Variants in PRCP observed in about 807,000 individuals in gnomAD.
PRCP encodes the protein prolylcarboxypeptidase.
PRCP carries 46 observed loss-of-function variants against 54.2 expected under a neutral mutation model. The observed-to-expected ratio is 0.85, with a 90% confidence interval of 0.67 to 1.09. PRCP has a LOEUF of 1.09. PRCP is among the 50% of genes least tolerant of loss of function. The probability of loss-of-function intolerance (pLI) is 0.00; values close to 1 mark genes in which losing one functional copy is unlikely to be tolerated. For missense variants in PRCP, 613 were observed against 596.8 expected (o/e 1.03, Z -0.28); for synonymous variants, 240 against 212.2 (o/e 1.13, Z -1.14).
chr11:82,850,588 G>T, intron 3 of PRCP, 83 bp from the exon 4 acceptor site: 1 of 1,106,576 alleles, frequency 9.0e-7, no homozygotes, highest in South Asian at 3.0e-5. Flanking sequence ...AAGAGAGCCA[G>T]TGTCAGATAA....
At chr11:82,856,008 T>C (rs567506067) in intron 2 of PRCP, among the ~76,000 whole-genome samples, 39 of 152,022 alleles carry the variant, frequency 2.6e-4, no homozygotes, top group South Asian at 4.2e-4. Flanking sequence ...ACTGGGTATA[T>C]ACCTAAAGAA....
At chr11:82,827,200 C>A (rs886188887) in intron 8 of PRCP, 1 of 152,182 alleles carries the variant, frequency 6.6e-6, no homozygotes, top group Non-Finnish European at 1.5e-5. Flanking sequence ...AATATTTTCT[C>A]CCATCCTGTA....
chr11:82,833,182 A>G (rs1858430694), intron 8 of PRCP, among the ~76,000 whole-genome samples: 1 of 152,252 alleles, frequency 6.6e-6, no homozygotes, highest in Non-Finnish European at 1.5e-5. Context: ...AGAGATGATT[A>G]AGATGAAGTC....
chr11:82,849,100 G>C lies in PRCP; in HGVS notation c.870C>G (p.Asp290Glu). 12 of 1,614,114 alleles carry C rather than the reference G, an allele frequency of 7.4e-6. 1 individual carries two copies. In the South Asian group the frequency reaches 1.3e-4, roughly 18 times the overall value. ...GTAAAAAGTTAGAGGCATAAGGATA[G>C]TCCACCATTGCCAGATTCACCCAGG... ...SETWVNLAMV[D>E]YPYASNFLQP... The change falls in exon 6 of 9, where the codon GAC (aspartate) becomes GAG (glutamate). Residue 290 changes from aspartate to glutamate, a missense_variant. By Grantham distance (45) the Asp-to-Glu change is conservative. Transcript: ENST00000313010.
In PRCP at chr11:82,838,512, G is replaced by C; in HGVS notation, c.1149C>G (p.His383Gln). ...CAGAAAGTTCCTTTAAGTTCCATGAGTGAGGTTCAAACATGTCATCGACAC... is the reference window on the plus strand; with the variant it reads ...CAGAAAGTTCCTTTAAGTTCCATGACTGAGGTTCAAACATGTCATCGACAC... ...TNGVDDMFEP[H>Q]SWNLKELSDD... is the part of the protein sequence containing the mutation. Residue 383 changes from histidine (H) to glutamine (Q), a missense_variant, in exon 8 of 9, where the codon CAC becomes CAG. Coordinates refer to ENST00000313010, the MANE Select transcript of PRCP (RefSeq NM_005040.4). 1 of 1,614,116 alleles carries C rather than the reference G, an allele frequency of 6.2e-7. No individual in the cohort carries two copies. Among genetic ancestry groups the C allele is most frequent in the Non-Finnish European group, 8.5e-7 (1 of 1,179,976 alleles).
At chr11:82,844,633 T>TA (rs1254402509) in intron 6 of PRCP, among the ~76,000 whole-genome samples, 2 of 148,080 alleles carry the variant, frequency 1.4e-5, no homozygotes, top group Non-Finnish European at 3.0e-5. Context: ...CTTGGGAGGC[T>TA]AAGGCAGGAG....
intron 1 of PRCP, among the ~76,000 whole-genome samples, chr11:82,870,852 G>T (rs986250753): frequency 2.0e-5 from 3 of 152,158 alleles, no homozygotes; most frequent in African/African-American, 7.2e-5. Context: ...GGGGGCAAGA[G>T]AATTAAGGTC....
intron 8 of PRCP, among the ~76,000 whole-genome samples, chr11:82,831,709 C>T (rs1858387236): frequency 6.6e-6 from 1 of 152,002 alleles, no homozygotes; most frequent in African/African-American, 2.4e-5. Flanking sequence ...CACAGGGCTC[C>T]TTGGACACTT....
At chr11:82,839,831 C>T in intron 6 of PRCP, 1 of 196,922 alleles carries the variant, frequency 5.1e-6, no homozygotes, top group Admixed American at 5.8e-5. Flanking sequence ...TCTTTTACAA[C>T]ACTCAACTCA....
chr11:82,830,654 A>AAAAAAAAAAAAAC (rs1358047460), intron 8 of PRCP: 8 of 150,192 alleles, frequency 5.3e-5, no homozygotes, highest in Admixed American at 6.6e-5. Flanking sequence ...AAAAAAAAAA[A>AAAAAAAAAAAAAC]ACTACACTCC....
intron 6 of PRCP, 98 bp from the exon 7 acceptor site, chr11:82,839,523 T>C: frequency 1.5e-6 from 2 of 1,313,746 alleles, no homozygotes; most frequent in Non-Finnish European, 1.1e-6. Context: ...GATCTGATCA[T>C]AAAATATTCT....
chr11:82,868,111 C>A (rs549601047), intron 1 of PRCP, among the ~76,000 whole-genome samples: 1 of 152,188 alleles, frequency 6.6e-6, no homozygotes, highest in Middle Eastern at 3.4e-3. Flanking sequence ...ATATTGGTTA[C>A]CAGTGCAGGG....
At chr11:82,887,824 CA>C (rs1859900728) in intron 1 of PRCP, among the ~76,000 whole-genome samples, 1 of 152,116 alleles carries the variant, frequency 6.6e-6, no homozygotes, top group South Asian at 2.1e-4. Flanking sequence ...ACCGTCATTC[CA>C]AAAGGGGTCT....
At chr11:82,883,488 A>G (rs1235364356) in intron 1 of PRCP, among the ~76,000 whole-genome samples, 2 of 152,192 alleles carry the variant, frequency 1.3e-5, no homozygotes, top group African/African-American at 4.8e-5. Context: ...TAAATAATAA[A>G]TATTAGAGTT....
chr11:82,874,392 C>T (rs1247250342), intron 1 of PRCP, among the ~76,000 whole-genome samples: 2 of 152,040 alleles, frequency 1.3e-5, no homozygotes, highest in Non-Finnish European at 2.9e-5. Flanking sequence ...AACTTAGAAA[C>T]TAATTGTACA....
At chr11:82,885,364 A>C (rs1224515096) in intron 1 of PRCP, among the ~76,000 whole-genome samples, 2 of 152,172 alleles carry the variant, frequency 1.3e-5, no homozygotes, top group Non-Finnish European at 2.9e-5. Flanking sequence ...CATCACTTTC[A>C]TTGTTCCACA....
chr11:82,881,382 G>A (rs1317106692), intron 1 of PRCP, among the ~76,000 whole-genome samples: 2 of 152,152 alleles, frequency 1.3e-5, no homozygotes, highest in Admixed American at 1.3e-4. Flanking sequence ...TTACAGTTCA[G>A]GCAGCCTCAC....
chr11:82,858,097 A>C (rs1168399974), intron 2 of PRCP, among the ~76,000 whole-genome samples: 1 of 152,246 alleles, frequency 6.6e-6, no homozygotes, highest in Non-Finnish European at 1.5e-5. Flanking sequence ...TCACAAAGTA[A>C]TAAGTGATGT....
At chr11:82,853,718 C>T (rs552482716) in intron 2 of PRCP, among the ~76,000 whole-genome samples, 10 of 152,238 alleles carry the variant, frequency 6.6e-5, no homozygotes, top group East Asian at 1.9e-4. Context: ...AAGAAAACTT[C>T]GGGCCAATAT....
Sources: gnomAD v4.1 joint callset for allele counts (sites outside exome capture counted in the v4.1 genomes callset) on GRCh38, gnomAD v4.1.1 for gene constraint, MANE v1.5 for transcripts, NCBI Gene and HGNC (gene_info 2026-07-23, HGNC 2026-07-21) for gene names.